The following CD163L1 variants were observed in gnomAD, a reference collection of about 807,000 sequenced individuals.
CD163L1 encodes the protein CD163 molecule like 1.
Under a neutral mutation model 165.4 loss-of-function variants are expected in CD163L1, and 124 were observed. That is an observed-to-expected ratio of 0.75 (90% CI 0.65 to 0.87). The LOEUF (loss-of-function observed/expected upper bound fraction) is 0.87. Among genes scored for constraint, CD163L1 ranks in the 40% least tolerant of loss-of-function variants. CD163L1 has a pLI of 0.00. For missense variants in CD163L1, 1,525 were observed against 1,799.9 expected, an observed-to-expected ratio of 0.85 and a Z score of 2.76; for synonymous variants, 585 against 662.2, an observed-to-expected ratio of 0.88 and a Z score of 1.79.
intron 4 of CD163L1, among the ~76,000 whole-genome samples, chr12:7,410,416 G>T (rs1190380135): frequency 6.6e-6 from 1 of 152,094 alleles, no homozygotes; most frequent in African/African-American, 2.4e-5. Flanking sequence ...GACCAGCTTG[G>T]CCAACATGGT....
At chr12:7,395,717 G>A (rs1333729714) in intron 8 of CD163L1, among the ~76,000 whole-genome samples, 2 of 151,962 alleles carry the variant, frequency 1.3e-5, no homozygotes, top group Non-Finnish European at 2.9e-5. Context: ...GAGTCATCTT[G>A]GGTACCAATT....
At chr12:7,443,052 T>TA (rs1390456413) in intron 1 of CD163L1, among the ~76,000 whole-genome samples, 1 of 152,178 alleles carries the variant, frequency 6.6e-6, no homozygotes, top group Non-Finnish European at 1.5e-5. Flanking sequence ...GAAAGTTAAA[T>TA]AATATTATCT....
intron 7 of CD163L1, among the ~76,000 whole-genome samples, chr12:7,397,352 G>C (rs1391922284): frequency 1.3e-5 from 2 of 152,144 alleles, no homozygotes; most frequent in African/African-American, 4.8e-5. Flanking sequence ...TTCCCGGAAA[G>C]AAACTCGTGT....
rs192723748 is a variant in CD163L1 at position 7,367,221 on chromosome 12, T to C, written c.4279+15A>G. On this transcript the variant is annotated intron_variant, in intron 18 of 19. Transcript: ENST00000313599. ...CACCCTCTCCATGGAGTGCGGCCCCTGGAGTTGCACAGACCTGAGGTTCTT... is the reference window on the plus strand; with the variant it reads ...CACCCTCTCCATGGAGTGCGGCCCCCGGAGTTGCACAGACCTGAGGTTCTT... The C allele has an allele frequency of 4.0e-5, 62 of 1,556,352 alleles. No homozygotes were observed. The African/African-American group carries it at 6.8e-4, about 17-fold the overall frequency.
chr12:7,408,212 A>G (rs767596169), intron 4 of CD163L1, among the ~76,000 whole-genome samples: 7 of 152,084 alleles, frequency 4.6e-5, no homozygotes, highest in African/African-American at 1.7e-4. Context: ...TTTTTTTTAC[A>G]GATTATTTAC....
At position 7,398,198 on chromosome 12, in the gene CD163L1, A is replaced by G; in HGVS notation, c.1729+66T>C. On this transcript the variant is annotated intron_variant, in intron 7 of 19. Coordinates refer to ENST00000313599, the MANE Select transcript of CD163L1 (RefSeq NM_174941.6). This position sits in a 1 kb window ranked among gnomAD's most constrained non-coding sequence, Gnocchi z 4.5. ...CACATGTAAGCCAGTTTATAGACCC[A>G]GAAGCCCTTCCTATGAGGAATACTA... 1 of 1,463,306 alleles carries G rather than the reference A, an allele frequency of 6.8e-7. No homozygotes were observed. Among genetic ancestry groups the G allele is most frequent in the Non-Finnish European group, 9.3e-7 (1 of 1,070,878 alleles). The allele number at this position is 1,463,306 out of a possible 1,614,324, so 90.6% of individuals were successfully genotyped here.
chr12:7,402,021 T>A (rs1246936058), intron 6 of CD163L1, among the ~76,000 whole-genome samples: 1 of 151,950 alleles, frequency 6.6e-6, no homozygotes, highest in Admixed American at 6.6e-5. Context: ...CATAGATAAA[T>A]AGATTCATAA....
intron 18 of CD163L1, among the ~76,000 whole-genome samples, chr12:7,358,174 A>C (rs909534525): frequency 3.3e-5 from 5 of 152,172 alleles, no homozygotes; most frequent in Non-Finnish European, 7.4e-5. Context: ...TATAGAGCAG[A>C]AACCACTGTG....
At chr12:7,436,997 T>C (rs2136642471) in intron 2 of CD163L1, among the ~76,000 whole-genome samples, 1 of 150,840 alleles carries the variant, frequency 6.6e-6, no homozygotes, top group African/African-American at 2.4e-5. Context: ...ACTATATAGG[T>C]AATAACCAAT....
rs767216277 is a variant in CD163L1, at chr12:7,368,102, G to A, written c.4168C>T (p.His1390Tyr). 1 of 1,604,418 alleles carries A rather than the reference G, an allele frequency of 6.2e-7. No homozygotes were observed. The highest frequency in any genetic ancestry group is 8.5e-7 in the Non-Finnish European group (1 of 1,171,306). Residue 1390 changes from histidine to tyrosine, a missense_variant, in exon 17 of 20, where the codon CAT becomes TAT. By Grantham distance (83) the His-to-Tyr change is moderately conservative. Coordinates refer to ENST00000313599, the MANE Select transcript of CD163L1 (RefSeq NM_174941.6). The surrounding 1 kb of genome is among the most constrained non-coding windows in gnomAD (Gnocchi z 4.3). ...LTWCRVQKQK[H>Y]LPLRVSTRRR... The stretch of plus-strand genomic sequence containing the variant: ...GGGCTCTCACCTCTGAGGGGCAGAT[G>A]TTTTTGTTTCTGAACTCGGCACCAC...
intron 5 of CD163L1, among the ~76,000 whole-genome samples, chr12:7,406,223 C>T (rs1948011701): frequency 6.6e-6 from 1 of 152,134 alleles, no homozygotes; most frequent in Non-Finnish European, 1.5e-5. Flanking sequence ...AAGCCATGCA[C>T]TTGTATAGAT....
chr12:7,331,433 C>G, the CD163L1 span, among the ~76,000 whole-genome samples: 1 of 152,332 alleles, frequency 6.6e-6, no homozygotes, highest in African/African-American at 2.4e-5. Context: ...TTGAAGAGAG[C>G]AGTGGTTCTC....
At chr12:7,335,155 T>C in the CD163L1 span, among the ~76,000 whole-genome samples, 3 of 152,156 alleles carry the variant, frequency 2.0e-5, no homozygotes, top group African/African-American at 7.2e-5. Flanking sequence ...AAAGTTCATA[T>C]GGAACCAAAA....
rs376219637 is a variant in CD163L1 at position 7,436,068 on chromosome 12, G to A, written c.125-2374C>T. 1.1e-4 allele frequency among the ~76,000 whole-genome samples: 17 copies of A among 152,202 alleles called. No homozygotes were observed. The South Asian group carries it at 3.5e-3, about 32-fold the overall frequency. On this transcript the variant is annotated intron_variant, in intron 2 of 19. Transcript: ENST00000313599. ...GTATTATTAAAAAGTAAGGTAGTGA[G>A]AAATGCACAATTCAGGATAGACATT...
At chr12:7,332,101 G>A in the CD163L1 span, among the ~76,000 whole-genome samples, 1 of 152,332 alleles carries the variant, frequency 6.6e-6, no homozygotes, top group South Asian at 2.1e-4. Flanking sequence ...ACCTGATGGA[G>A]CTGAAAACCA....
chr12:7,380,366 T>TATACATACATGTATGTGTGTATACGCGC (rs1947367367), intron 8 of CD163L1, among the ~76,000 whole-genome samples: 1 of 146,670 alleles, frequency 6.8e-6, no homozygotes, highest in Non-Finnish European at 1.5e-5. Flanking sequence ...TGTATACGCG[T>TATACATACATGTATGTGTGTATACGCGC]ATACATACAT....
At chr12:7,337,763 T>C in the CD163L1 span, among the ~76,000 whole-genome samples, 1 of 152,206 alleles carries the variant, frequency 6.6e-6, no homozygotes, top group South Asian at 2.1e-4. Flanking sequence ...GTGTGGCGAT[T>C]CCTCAAGGAT....
At chr12:7,319,943 C>T in the CD163L1 span, among the ~76,000 whole-genome samples, 1 of 152,302 alleles carries the variant, frequency 6.6e-6, no homozygotes, top group South Asian at 2.1e-4. Flanking sequence ...ATACATTACA[C>T]TTTCTAAAAA....
chr12:7,367,000 T>C (rs1001018109), intron 18 of CD163L1, among the ~76,000 whole-genome samples: 2 of 152,198 alleles, frequency 1.3e-5, no homozygotes, highest in African/African-American at 4.8e-5. Flanking sequence ...CTTTGCTTGG[T>C]GCCTCTGCCA....
Sources: gnomAD v4.1 joint callset for allele counts (sites outside exome capture counted in the v4.1 genomes callset) on GRCh38, gnomAD v4.1.1 for gene constraint, Gnocchi (gnomAD v3.1) non-coding constraint, MANE v1.5 for transcripts, NCBI Gene and HGNC (gene_info 2026-07-23, HGNC 2026-07-21) for gene names.